Variants in GRK3 observed in about 807,000 individuals in gnomAD.
GRK3 encodes the protein G protein-coupled receptor kinase 3, also known as adrenergic, beta, receptor kinase 2.
Under a neutral mutation model 95.7 loss-of-function variants are expected in GRK3, and 54 were observed. The observed-to-expected ratio is 0.56, with a 90% CI of 0.45 to 0.71. The LOEUF is 0.71. GRK3 is among the 30% of genes least tolerant of loss of function. The probability of loss-of-function intolerance (pLI) is 0.00; values close to 1 mark genes in which losing one functional copy is unlikely to be tolerated. For synonymous variants in GRK3, 281 were observed against 290.8 expected (o/e 0.97, Z 0.34); for missense variants, 649 against 851.2 (o/e 0.76, Z 2.96).
At chr22:25,711,733 A>G (rs9613011) in intron 17 of GRK3, among the ~76,000 whole-genome samples, 3,390 of 152,226 alleles carry the variant, frequency 0.022, 60 homozygotes, top group Non-Finnish European at 0.035. Context: ...GTCAAAGTGT[A>G]TCACTACATC....
rs1601489901 is a variant in GRK3 at position 25,634,933 on chromosome 22, T to G, written c.191-9659T>G. Among the ~76,000 whole-genome samples, 6 of 152,360 alleles carry G rather than the reference T, an allele frequency of 3.9e-5. No homozygotes were observed. The Middle Eastern group carries it at 0.02, about 518-fold the overall frequency. On this transcript the variant is annotated intron_variant, in intron 2 of 20. Transcript: ENST00000324198. ...TTTCTTATAACTTTGTATTTTGATATGCATTTTAAAATTATATTTTGAAAT... is the reference window on the plus strand; with the variant it reads ...TTTCTTATAACTTTGTATTTTGATAGGCATTTTAAAATTATATTTTGAAAT...
intron 1 of GRK3, among the ~76,000 whole-genome samples, chr22:25,578,174 G>GT (rs1931972449): frequency 6.6e-6 from 1 of 151,732 alleles, no homozygotes; most frequent in African/African-American, 2.4e-5. Flanking sequence ...ATCATCCCCA[G>GT]TCTTTAAAAA....
At chr22:25,639,174 A>G (rs1403973625) in intron 2 of GRK3, among the ~76,000 whole-genome samples, 1 of 152,150 alleles carries the variant, frequency 6.6e-6, no homozygotes, top group African/African-American at 2.4e-5. Context: ...TCTATTTTTT[A>G]ACACTGTCTT....
chr22:25,615,613 T>G (rs1461578761), intron 2 of GRK3, among the ~76,000 whole-genome samples: 3 of 149,084 alleles, frequency 2.0e-5, no homozygotes, highest in African/African-American at 7.5e-5. Context: ...TTTAATAAAT[T>G]TAACTATGTG....
At chr22:25,703,071 G>A (rs764670125) in intron 13 of GRK3, 8 of 334,946 alleles carry the variant, frequency 2.4e-5, no homozygotes, top group Admixed American at 1.3e-4. Context: ...TCTCCTTCAT[G>A]TTTTGGTTCA....
In GRK3 at chr22:25,678,248, A is replaced by G. The variant is rs947360578; in HGVS notation, c.648-568A>G. On this transcript the variant is annotated intron_variant, in intron 8 of 20. Coordinates refer to ENST00000324198, the MANE Select transcript of GRK3 (RefSeq NM_005160.4). ...GGTGGGCGGATCATGAGGTCAGGAG[A>G]TCGAGACCATCCTGGCTAACACGGT... is the stretch of plus-strand genomic sequence containing the variant. 7.9e-5 allele frequency among the ~76,000 whole-genome samples: 12 copies of G among 152,170 alleles called. No homozygotes were observed. In the South Asian group the frequency reaches 1.0e-3, roughly 13 times the overall value.
At chr22:25,585,359 G>T (rs139687516) in intron 1 of GRK3, among the ~76,000 whole-genome samples, 3 of 152,326 alleles carry the variant, frequency 2.0e-5, no homozygotes, top group African/African-American at 7.2e-5. Context: ...CATTTTTGAG[G>T]TGGGAAGGTT....
chr22:25,707,889 C>T (rs976984472), intron 15 of GRK3, among the ~76,000 whole-genome samples: 2 of 152,114 alleles, frequency 1.3e-5, no homozygotes, highest in Middle Eastern at 3.4e-3. Context: ...GTGTTTCTGG[C>T]AGTACGTCTA....
intron 1 of GRK3, among the ~76,000 whole-genome samples, chr22:25,603,476 G>A (rs1257081710): frequency 6.6e-6 from 1 of 152,080 alleles, no homozygotes; most frequent in Non-Finnish European, 1.5e-5. Flanking sequence ...TTTCTGCACT[G>A]TCTTCCATTT....
chr22:25,636,821 G>A (rs1362532590), intron 2 of GRK3, among the ~76,000 whole-genome samples: 2 of 152,020 alleles, frequency 1.3e-5, no homozygotes, highest in Admixed American at 6.6e-5. Context: ...ATACTTCTTT[G>A]TATCTGGCAA....
At chr22:25,620,007 TG>T (rs775823078) in intron 2 of GRK3, among the ~76,000 whole-genome samples, 6,109 of 34,400 alleles carry the variant, frequency 0.18, 294 homozygotes, top group Admixed American at 0.28. Context: ...TTGTCTTTTT[TG>T]TGTGTGTGTG....
chr22:25,705,142 G>T (rs1423615436), intron 15 of GRK3, among the ~76,000 whole-genome samples: 1 of 151,994 alleles, frequency 6.6e-6, no homozygotes, highest in Non-Finnish European at 1.5e-5. Context: ...TTATCAATTT[G>T]CAAAATTACC....
intron 2 of GRK3, among the ~76,000 whole-genome samples, chr22:25,631,330 G>A (rs1465689894): frequency 6.6e-6 from 1 of 152,086 alleles, no homozygotes; most frequent in Non-Finnish European, 1.5e-5. Flanking sequence ...ACTTATTTTA[G>A]TCCACACTTA....
chr22:25,586,083 G>T (rs1397039542), intron 1 of GRK3, among the ~76,000 whole-genome samples: 1 of 152,174 alleles, frequency 6.6e-6, no homozygotes, highest in East Asian at 1.9e-4. Context: ...TAACTGACAT[G>T]AATATGCTTA....
chr22:25,624,418 G>T (rs1228627769), intron 2 of GRK3, among the ~76,000 whole-genome samples: 2 of 152,056 alleles, frequency 1.3e-5, no homozygotes, highest in Non-Finnish European at 2.9e-5. Context: ...AAAAAAATTA[G>T]CTGGGTGTGG....
intron 17 of GRK3, among the ~76,000 whole-genome samples, chr22:25,712,564 T>C (rs1410105516): frequency 6.6e-6 from 1 of 152,200 alleles, no homozygotes; most frequent in Admixed American, 6.5e-5. Flanking sequence ...GAGATGATCA[T>C]ACTTAAAAAT....
chr22:25,672,201 C>T (rs1160005789), intron 6 of GRK3, 95 bp from the exon 7 acceptor site: 8 of 607,354 alleles, frequency 1.3e-5, no homozygotes, highest in Non-Finnish European at 2.3e-5. Flanking sequence ...ACAAGCAACC[C>T]AAGTAATGCC....
chr22:25,652,128 A>T (rs2084836050), intron 3 of GRK3, among the ~76,000 whole-genome samples: 1 of 152,182 alleles, frequency 6.6e-6, no homozygotes, highest in African/African-American at 2.4e-5. Flanking sequence ...AAAGGGAGGT[A>T]CTTTAGTCAG....
chr22:25,661,449 G>C, intron 3 of GRK3, 127 bp from the exon 4 acceptor site: 1 of 532,220 alleles, frequency 1.9e-6, no homozygotes, highest in African/African-American at 1.9e-5. Context: ...GTTTCCTGTG[G>C]AATAGCCGGT....
Sources: gnomAD v4.1 joint callset for allele counts (sites outside exome capture counted in the v4.1 genomes callset) on GRCh38, gnomAD v4.1.1 for gene constraint, MANE v1.5 for transcripts, NCBI Gene and HGNC (gene_info 2026-07-23, HGNC 2026-07-21) for gene names.